The following ADGRL3 variants were observed in gnomAD, a reference collection of about 807,000 sequenced individuals.
ADGRL3 encodes calcium-independent alpha-latrotoxin receptor 3.
In ADGRL3, 62 loss-of-function variants were observed where a neutral mutation model predicts 153.5. The ratio of observed to expected loss-of-function variants is 0.40; its 90% CI spans 0.33 to 0.50. ADGRL3 has a LOEUF of 0.50. ADGRL3 is among the 20% of genes least tolerant of loss of function. The probability of loss-of-function intolerance (pLI) is 0.47; values close to 1 mark genes in which losing one functional copy is unlikely to be tolerated. For synonymous variants in ADGRL3, 710 were observed against 672.5 expected (o/e 1.06, Z -0.86); for missense variants, 1,641 against 1,859.4 (o/e 0.88, Z 2.16).
chr4:61,601,842 A>G (rs747348100), intron 5 of ADGRL3, among the ~76,000 whole-genome samples: 6 of 152,186 alleles, frequency 3.9e-5, no homozygotes, highest in Admixed American at 6.5e-5. Context: ...TGGAAGCACT[A>G]TCATTTTAAG....
intron 9 of ADGRL3, among the ~76,000 whole-genome samples, chr4:61,831,170 T>G (rs2097863748): frequency 6.6e-6 from 1 of 151,612 alleles, no homozygotes; most frequent in Admixed American, 6.6e-5. Context: ...ATTACAGGCG[T>G]GAGCCACCAC....
intron 8 of ADGRL3, among the ~76,000 whole-genome samples, chr4:61,796,579 T>C (rs1258488194): frequency 1.3e-5 from 2 of 152,226 alleles, no homozygotes; most frequent in African/African-American, 4.8e-5. Flanking sequence ...GATTTGTTGA[T>C]GACTTCATAA....
chr4:61,568,041 G>A (rs1044640091), intron 4 of ADGRL3, among the ~76,000 whole-genome samples: 2 of 151,784 alleles, frequency 1.3e-5, no homozygotes, highest in African/African-American at 4.8e-5. Context: ...CATTTGTTGT[G>A]GTCTTTTCCC....
At chr4:61,869,886 T>C (rs1207652441) in intron 9 of ADGRL3, among the ~76,000 whole-genome samples, 1 of 132,588 alleles carries the variant, frequency 7.5e-6, no homozygotes, top group Admixed American at 8.6e-5. Flanking sequence ...TGTGGTGAGC[T>C]GAGATCATGC....
intron 18 of ADGRL3, among the ~76,000 whole-genome samples, chr4:61,983,048 G>A (rs1044685987): frequency 6.6e-6 from 1 of 151,880 alleles, no homozygotes; most frequent in Non-Finnish European, 1.5e-5. Flanking sequence ...ATGGCCAAGA[G>A]AAAAAATTCT....
At chr4:61,706,147 C>T (rs1250863734) in intron 6 of ADGRL3, among the ~76,000 whole-genome samples, 4 of 151,966 alleles carry the variant, frequency 2.6e-5, no homozygotes, top group African/African-American at 9.7e-5. Context: ...TCTGGCCAGG[C>T]GCGGTGGCTC....
intron 2 of ADGRL3, among the ~76,000 whole-genome samples, chr4:61,388,173 A>G (rs1263933259): frequency 1.3e-5 from 2 of 152,146 alleles, no homozygotes; most frequent in Non-Finnish European, 2.9e-5. Flanking sequence ...AATTTTGAAG[A>G]CAGAGTCAAT....
At chr4:61,914,537 A>T (rs188563129) in intron 13 of ADGRL3, among the ~76,000 whole-genome samples, 1 of 152,218 alleles carries the variant, frequency 6.6e-6, no homozygotes, top group African/African-American at 2.4e-5. Context: ...ATGGTAATAC[A>T]TGGGAGGGGG....
chr4:61,263,221 C>A (rs2092649385), intron 1 of ADGRL3, among the ~76,000 whole-genome samples: 1 of 151,620 alleles, frequency 6.6e-6, no homozygotes, highest in South Asian at 2.1e-4. Flanking sequence ...TTAACATTAT[C>A]AAGTGCAAAT....
chr4:61,933,889 A>C (rs1044120972), intron 13 of ADGRL3: 1 of 152,104 alleles, frequency 6.6e-6, no homozygotes, highest in Non-Finnish European at 1.5e-5. Context: ...TGTTTATTCA[A>C]CTTTATTTCT....
At chr4:62,054,113 T>G (rs1735729531) in intron 25 of ADGRL3, among the ~76,000 whole-genome samples, 1 of 151,612 alleles carries the variant, frequency 6.6e-6, no homozygotes, top group African/African-American at 2.4e-5. Context: ...AAATATTTTT[T>G]GCTAAGTGCC....
At chr4:61,626,143 A>T (rs940282946) in intron 5 of ADGRL3, among the ~76,000 whole-genome samples, 3 of 151,666 alleles carry the variant, frequency 2.0e-5, no homozygotes, top group Admixed American at 2.0e-4. Context: ...CAAAAAAAAA[A>T]TTTACTTTTT....
intron 1 of ADGRL3, among the ~76,000 whole-genome samples, chr4:61,291,077 G>A (rs570035414): frequency 3.2e-4 from 49 of 151,568 alleles, no homozygotes; most frequent in African/African-American, 1.0e-3. Context: ...TGCCATTATG[G>A]TTCCTTATTA....
rs529952042 is a variant in ADGRL3 at position 62,056,732 on chromosome 4, A to C, written c.3815-11434A>C. Among the ~76,000 whole-genome samples, 31 of 152,228 alleles carry C rather than the reference A, an allele frequency of 2.0e-4. No homozygotes were observed. The South Asian group carries it at 5.8e-3, about 28-fold the overall frequency. On this transcript the variant is annotated intron_variant, in intron 25 of 26. Coordinates refer to ENST00000683033, the MANE Select transcript of ADGRL3 (RefSeq NM_001387552.1). ...GCAAAACTCTAATTTATATACGTTA[A>C]TGTATATATTAGAAATGACTTCATA... is the stretch of plus-strand genomic sequence containing the variant.
At chr4:61,554,438 C>T (rs1010945274) in intron 4 of ADGRL3, among the ~76,000 whole-genome samples, 2 of 152,020 alleles carry the variant, frequency 1.3e-5, no homozygotes, top group South Asian at 2.1e-4. Flanking sequence ...TCAAATGATC[C>T]ACCCGCCTCG....
intron 4 of ADGRL3, among the ~76,000 whole-genome samples, chr4:61,545,035 G>C (rs1484160443): frequency 6.6e-6 from 1 of 152,066 alleles, no homozygotes. Context: ...TTGATTTGTG[G>C]TAAGTTGATT....
At chr4:61,324,587 A>G (rs1387482733) in intron 1 of ADGRL3, among the ~76,000 whole-genome samples, 1 of 152,222 alleles carries the variant, frequency 6.6e-6, no homozygotes, top group Non-Finnish European at 1.5e-5. Context: ...GACTTCATAC[A>G]TAGACTTGTT....
chr4:61,670,472 T>C (rs2094953653), intron 5 of ADGRL3, among the ~76,000 whole-genome samples: 1 of 152,096 alleles, frequency 6.6e-6, no homozygotes, highest in Non-Finnish European at 1.5e-5. Flanking sequence ...GATAGTGGGC[T>C]GCTAATTTTT....
At chr4:61,644,792 C>T (rs904674650) in intron 5 of ADGRL3, among the ~76,000 whole-genome samples, 3 of 152,094 alleles carry the variant, frequency 2.0e-5, no homozygotes, top group Non-Finnish European at 2.9e-5. Flanking sequence ...CTGGAGATGT[C>T]TATTATGTCC....
Sources: allele counts gnomAD v4.1 joint callset (sites outside exome capture counted in the v4.1 genomes callset), GRCh38; gene constraint gnomAD v4.1.1; transcripts MANE v1.5; gene names NCBI Gene and HGNC (gene_info 2026-07-23, HGNC 2026-07-21).